Variants in PKD1L3 observed in about 807,000 individuals in gnomAD.
The protein encoded by PKD1L3 is polycystin-1-like protein 3.
A neutral mutation model predicts 184.1 loss-of-function variants in PKD1L3; 239 were observed. The ratio of observed to expected loss-of-function variants is 1.30; its 90% CI spans 1.17 to 1.45. PKD1L3 has a LOEUF of 1.45. PKD1L3 is among the 40% of genes most tolerant of loss of function. The probability of loss-of-function intolerance (pLI) is 0.00; values close to 1 mark genes in which losing one functional copy is unlikely to be tolerated. For missense variants in PKD1L3, 2,660 were observed against 2,067.2 expected, an observed-to-expected ratio of 1.29 and a Z score of -5.56; for synonymous variants, 996 against 778.8, an observed-to-expected ratio of 1.28 and a Z score of -4.64.
intron 16 of PKD1L3, among the ~76,000 whole-genome samples, chr16:71,961,916 G>C (rs1156918034): frequency 6.6e-6 from 1 of 151,906 alleles, no homozygotes; most frequent in Non-Finnish European, 1.5e-5. Context: ...ATGTTTTTTT[G>C]CCTTTAGGCA....
Position 71,935,357 on chromosome 16 carries a change from C to T in PKD1L3, c.4613+1G>A. ...GCTGTGCCCCTCAGGCTTCCTCTCACCTGTCCTGGTCATCGCGGTATCGTG... is the reference window on the plus strand; with the variant it reads ...GCTGTGCCCCTCAGGCTTCCTCTCATCTGTCCTGGTCATCGCGGTATCGTG... On this transcript the variant is annotated splice_donor_variant, in intron 26 of 29. Coordinates refer to ENST00000620267, the MANE Select transcript of PKD1L3 (RefSeq NM_181536.2). LOFTEE classifies it high-confidence loss of function. The T allele has an allele frequency of 6.4e-7, 1 of 1,551,166 alleles. No homozygotes were observed. Among genetic ancestry groups the T allele is most frequent in the East Asian group, 2.4e-5 (1 of 40,916 alleles).
chr16:71,963,139 A>G (rs1399030347), intron 16 of PKD1L3, 66 bp downstream of exon 16: 3 of 1,413,474 alleles, frequency 2.1e-6, no homozygotes, highest in Non-Finnish European at 2.8e-6. Flanking sequence ...AAACAATTCA[A>G]TCGTGAACAA....
intron 19 of PKD1L3, among the ~76,000 whole-genome samples, chr16:71,950,657 G>T (rs1178232572): frequency 6.6e-6 from 1 of 151,946 alleles, no homozygotes; most frequent in Non-Finnish European, 1.5e-5. Context: ...AAAGAAAAAG[G>T]ATGACAAGTT....
chr16:71,955,693 C>T (rs1567511156), intron 16 of PKD1L3, among the ~76,000 whole-genome samples: 2 of 152,042 alleles, frequency 1.3e-5, no homozygotes, highest in Non-Finnish European at 2.9e-5. Flanking sequence ...GTAGTTTCCA[C>T]AATCCTCTCC....
intron 14 of PKD1L3, 77 bp from the exon 15 acceptor site, chr16:71,967,392 G>T: frequency 1.5e-6 from 2 of 1,346,546 alleles, no homozygotes; most frequent in South Asian, 1.5e-5. Context: ...GGAGAAAGAC[G>T]AAGACATAGA....
In PKD1L3 at chr16:71,944,119, T is replaced by G. The variant is rs774831653; in HGVS notation, c.3770A>C (p.Tyr1257Ser). 11 of 1,551,574 alleles carry G rather than the reference T, an allele frequency of 7.1e-6. No individual in the cohort carries two copies. The South Asian group carries it at 1.2e-4, about 17-fold the overall frequency. Residue 1257 changes from tyrosine to serine, a missense_variant, in exon 23 of 30, where the codon TAT becomes TCT. Physicochemically the swap from Tyr to Ser is moderately radical, Grantham distance 144. Coordinates refer to ENST00000620267, the MANE Select transcript of PKD1L3 (RefSeq NM_181536.2). ...PGSRDKNNPV[Y>S]VAPAINSPTK... ...TGGACTATTTATAGCTGGGGCTACA[T>G]AGACGGGGTTGTTCTTATCTCTTGA...
chr16:71,955,487 C>A (rs188425214), intron 16 of PKD1L3, among the ~76,000 whole-genome samples: 1 of 151,812 alleles, frequency 6.6e-6, no homozygotes. Flanking sequence ...AACAGAATAT[C>A]ATTTAGTTTT....
intron 5 of PKD1L3, among the ~76,000 whole-genome samples, chr16:71,985,610 A>C (rs1000732478): frequency 6.6e-6 from 1 of 151,990 alleles, no homozygotes; most frequent in Non-Finnish European, 1.5e-5. Flanking sequence ...TTTTTTTTGA[A>C]GTTTAATAGA....
intron 10 of PKD1L3, 144 bp from the exon 11 acceptor site, chr16:71,977,611 G>A (rs965059192): frequency 6.5e-6 from 4 of 618,078 alleles, no homozygotes; most frequent in Non-Finnish European, 1.1e-5. Flanking sequence ...TGGCCACGTT[G>A]GTCTTGAACT....
intron 16 of PKD1L3, 138 bp from the exon 17 acceptor site, chr16:71,954,439 G>A (rs913312892): frequency 2.9e-5 from 16 of 547,390 alleles, no homozygotes; most frequent in Non-Finnish European, 4.6e-5. Flanking sequence ...TAAGCTTTCA[G>A]ATATTTTAAT....
chr16:71,995,707 G>GC (rs2040761274), intron 2 of PKD1L3, among the ~76,000 whole-genome samples: 1 of 152,168 alleles, frequency 6.6e-6, no homozygotes, highest in Non-Finnish European at 1.5e-5. Context: ...CCTTACGTGT[G>GC]CATCTTTTTG....
chr16:71,978,473 A>G lies in PKD1L3; in HGVS notation c.1399-90T>C, dbSNP rs565848923. 20 of 389,042 alleles carry G rather than the reference A, an allele frequency of 5.1e-5. 1 individual carries two copies. The highest frequency in any genetic ancestry group is 5.2e-4 in the Middle Eastern group (1 of 1,930). The allele number at this position is 389,042 out of a possible 1,614,324, so 24.1% of individuals were successfully genotyped here. A position where few individuals can be genotyped will look rare whatever the true frequency, so the allele number is the denominator to read the frequency against. ...AGATATATCATATATACATATGTAT[A>G]TATGTGTGTGTGTGTGTGTGTGTAT... On this transcript the variant is annotated intron_variant, in intron 9 of 29. Coordinates refer to ENST00000620267, the MANE Select transcript of PKD1L3 (RefSeq NM_181536.2).
chr16:71,968,128 G>A (rs2039570238), intron 13 of PKD1L3, 121 bp from the exon 14 acceptor site: 2 of 735,444 alleles, frequency 2.7e-6, no homozygotes, highest in Non-Finnish European at 4.4e-6. Context: ...GCAGAAAGCA[G>A]GGCTGAGGTG....
At chr16:71,953,705 C>T (rs573111619) in intron 17 of PKD1L3, among the ~76,000 whole-genome samples, 1 of 152,152 alleles carries the variant, frequency 6.6e-6, no homozygotes, top group South Asian at 2.1e-4. Context: ...GCAATTCAAC[C>T]ATCAGATCTC....
intron 21 of PKD1L3, among the ~76,000 whole-genome samples, chr16:71,948,803 T>TAAAAAAAAAAAAAAAAAAA (rs57129483): frequency 8.6e-5 from 7 of 81,208 alleles, no homozygotes; most frequent in Admixed American, 1.8e-4. Flanking sequence ...TTACATATAG[T>TAAAAAAAAAAAAAAAAAAA]AAAAAAAAAA....
Position 71,986,413 on chromosome 16 carries a change from T to TGTTA in PKD1L3, c.641_642insTAAC (p.Ser215AsnfsTer10). The TGTTA allele has an allele frequency of 1.9e-6, 3 of 1,551,970 alleles. No homozygotes were observed. The highest frequency in any genetic ancestry group is 2.6e-6 in the Non-Finnish European group (3 of 1,146,952). ...CAGATGCGGCTGATGTTACCTGTGA[T>TGTTA]GTGATACTTGATAGTACTGAAGGAA... On this transcript the variant is annotated frameshift_variant, in exon 5 of 30. Coordinates refer to ENST00000620267, the MANE Select transcript of PKD1L3 (RefSeq NM_181536.2). LOFTEE classifies it high-confidence loss of function.
chr16:71,935,803 T>C (rs2038154448), intron 25 of PKD1L3, among the ~76,000 whole-genome samples: 1 of 152,208 alleles, frequency 6.6e-6, no homozygotes, highest in Non-Finnish European at 1.5e-5. Context: ...AAAGTTTCTT[T>C]CTTTGAGACA....
At chr16:71,956,985 A>G (rs1216895524) in intron 16 of PKD1L3, among the ~76,000 whole-genome samples, 2 of 152,370 alleles carry the variant, frequency 1.3e-5, no homozygotes, top group Non-Finnish European at 2.9e-5. Context: ...ACAATAGCAC[A>G]AAAGAGTGGG....
chr16:71,981,093 A>G (rs1327432436), intron 7 of PKD1L3, among the ~76,000 whole-genome samples: 1 of 152,216 alleles, frequency 6.6e-6, no homozygotes, highest in Non-Finnish European at 1.5e-5. Context: ...CCATTGTATG[A>G]ATAGACCAGA....
Sources: allele counts gnomAD v4.1 joint callset (sites outside exome capture counted in the v4.1 genomes callset), GRCh38; gene constraint gnomAD v4.1.1; transcripts MANE v1.5; gene names NCBI Gene and HGNC (gene_info 2026-07-23, HGNC 2026-07-21).